The following TSPAN2 variants were observed in gnomAD, a reference collection of about 807,000 sequenced individuals.
The protein encoded by TSPAN2 is tetraspanin 2.
In TSPAN2, 24 loss-of-function variants were observed where a neutral mutation model predicts 33.3. The ratio of observed to expected loss-of-function variants is 0.72; its 90% CI spans 0.52 to 1.01. The LOEUF (loss-of-function observed/expected upper bound fraction) is 1.01, where lower values mean the gene tolerates loss of function less well. Among genes scored for constraint, TSPAN2 ranks in the 50% least tolerant of loss-of-function variants. The pLI is 0.00. For synonymous variants in TSPAN2, 114 were observed against 104.5 expected (o/e 1.09, Z -0.56); for missense variants, 278 against 281.3 (o/e 0.99, Z 0.08).
Position 115,050,515 on chromosome 1 carries a change from A to G in TSPAN2, c.641T>C (p.Ile214Thr). Residue 214 changes from isoleucine to threonine, a missense_variant, in exon 8 of 8, where the codon ATA (isoleucine) becomes ACA (threonine). Transcript: ENST00000369516. The part of the protein sequence containing the change: ...MIFSMVLCCA[I>T]RNSRDVI ...TCATATCACATCTCGTGAGTTTCGT[A>G]TCGCACAGCAGAGGACCATGCTGAA... 6.2e-7 allele frequency: 1 copy of G among 1,614,096 alleles called. No homozygotes were observed. Among genetic ancestry groups the G allele is most frequent in the Non-Finnish European group, 8.5e-7 (1 of 1,179,972 alleles).
chr1:115,050,437 C>T lies in TSPAN2; in HGVS notation c.*53G>A. Reference sequence around the variant, plus strand: ...TTAAAAATGAGCTGGGAGACAGCTCCTGTGACATTTGGTATGAAAGCTTTA... The same window carrying T: ...TTAAAAATGAGCTGGGAGACAGCTCTTGTGACATTTGGTATGAAAGCTTTA... On this transcript the variant is annotated 3_prime_UTR_variant, in exon 8 of 8. Transcript: ENST00000369516. 6.7e-7 allele frequency: 1 copy of T among 1,489,290 alleles called. No individual in the cohort carries two copies. Among genetic ancestry groups the T allele is most frequent in the Non-Finnish European group, 9.4e-7 (1 of 1,066,886 alleles). 92.3% of individuals were successfully genotyped at this position (1,489,290 alleles called of 1,614,324 possible).
intron 6 of TSPAN2, among the ~76,000 whole-genome samples, chr1:115,054,510 G>C (rs943946795): frequency 6.6e-6 from 1 of 152,224 alleles, no homozygotes; most frequent in South Asian, 2.1e-4. Context: ...CTTCTAAGGA[G>C]TGGCTCCCTT....
intron 1 of TSPAN2, among the ~76,000 whole-genome samples, chr1:115,074,943 G>A (rs1648343927): frequency 2.0e-5 from 3 of 152,096 alleles, no homozygotes; most frequent in South Asian, 2.1e-4. Flanking sequence ...AACCCTGCAC[G>A]CCCTCATCTC....
chr1:115,062,973 T>G (rs1647794944), intron 2 of TSPAN2, among the ~76,000 whole-genome samples: 1 of 152,230 alleles, frequency 6.6e-6, no homozygotes, highest in African/African-American at 2.4e-5. Flanking sequence ...TTCAGGGCCC[T>G]GAGGCCTTGC....
At chr1:115,076,022 G>A (rs1648392423) in intron 1 of TSPAN2, among the ~76,000 whole-genome samples, 1 of 139,986 alleles carries the variant, frequency 7.1e-6, no homozygotes, top group African/African-American at 2.6e-5. Flanking sequence ...TAATGTGGTA[G>A]ATAGTCACAT....
chr1:115,076,506 G>C (rs1014955751), intron 1 of TSPAN2, among the ~76,000 whole-genome samples: 1 of 152,170 alleles, frequency 6.6e-6, no homozygotes, highest in Non-Finnish European at 1.5e-5. Flanking sequence ...ACCAGGGACA[G>C]GACACCAGGG....
In TSPAN2 at chr1:115,067,889, C is replaced by G. The variant is rs528962253; in HGVS notation, c.172+5016G>C. Among the ~76,000 whole-genome samples, 3 of 152,304 alleles carry G rather than the reference C, an allele frequency of 2.0e-5. No homozygotes were observed. The South Asian group carries it at 6.2e-4, about 32-fold the overall frequency. ...CTCTGTAACTCTAGAAAGAAGACCC[C>G]TGGGGTGTCTGCCCACTCCAGAGAG... On this transcript the variant is annotated intron_variant, in intron 2 of 7. Transcript: ENST00000369516.
At chr1:115,062,740 C>T (rs1282704899) in intron 2 of TSPAN2, among the ~76,000 whole-genome samples, 2 of 152,224 alleles carry the variant, frequency 1.3e-5, no homozygotes, top group African/African-American at 4.8e-5. Flanking sequence ...GCATTTTACT[C>T]ATATGAGTCA....
intron 1 of TSPAN2, 35 bp from the exon 2 acceptor site, chr1:115,073,042 G>A (rs759115854): frequency 1.1e-5 from 18 of 1,569,868 alleles, no homozygotes; most frequent in Middle Eastern, 1.7e-4. Flanking sequence ...TACAGTGGAA[G>A]GGGAAAGAGC....
intron 1 of TSPAN2, among the ~76,000 whole-genome samples, chr1:115,086,928 T>A (rs1648857687): frequency 1.3e-5 from 2 of 152,106 alleles, no homozygotes; most frequent in Admixed American, 1.3e-4. Context: ...TTTGTTTGTT[T>A]GTTTTTGAGA....
intron 1 of TSPAN2, among the ~76,000 whole-genome samples, chr1:115,080,500 C>T (rs368400754): frequency 2.0e-5 from 3 of 152,236 alleles, no homozygotes. Context: ...GTCTTGAACT[C>T]CCGGGCACAA....
intron 2 of TSPAN2, among the ~76,000 whole-genome samples, chr1:115,070,496 C>T (rs1485449340): frequency 1.3e-5 from 2 of 151,480 alleles, no homozygotes; most frequent in African/African-American, 2.4e-5. Context: ...TACTGTTTAC[C>T]AACTTAACCC....
At chr1:115,074,932 C>T (rs138321220) in intron 1 of TSPAN2, among the ~76,000 whole-genome samples, 6 of 152,122 alleles carry the variant, frequency 3.9e-5, no homozygotes, top group South Asian at 2.1e-4. Flanking sequence ...GCCTCACAGG[C>T]AACCCTGCAC....
intron 2 of TSPAN2, among the ~76,000 whole-genome samples, chr1:115,071,454 A>G (rs938108290): frequency 4.6e-5 from 7 of 152,196 alleles, no homozygotes; most frequent in African/African-American, 1.7e-4. Flanking sequence ...GAGAGGGGGA[A>G]AGAACCTGGG....
At chr1:115,086,796 A>G (rs1379776500) in intron 1 of TSPAN2, among the ~76,000 whole-genome samples, 13 of 152,218 alleles carry the variant, frequency 8.5e-5, no homozygotes, top group Admixed American at 8.5e-4. Context: ...TGTTTAACAG[A>G]ATGGGTCTCA....
chr1:115,080,417 C>A (rs1002280166), intron 1 of TSPAN2, among the ~76,000 whole-genome samples: 1 of 152,120 alleles, frequency 6.6e-6, no homozygotes, highest in Non-Finnish European at 1.5e-5. Flanking sequence ...CCACTACAAG[C>A]ATGTGCAACC....
intron 2 of TSPAN2, among the ~76,000 whole-genome samples, chr1:115,072,588 T>G (rs1648224252): frequency 6.6e-6 from 1 of 152,184 alleles, no homozygotes; most frequent in African/African-American, 2.4e-5. Flanking sequence ...TAGCTGCATT[T>G]CCTTGAGACT....
intron 5 of TSPAN2, 111 bp from the exon 6 acceptor site, chr1:115,057,719 C>T: frequency 2.3e-6 from 2 of 878,072 alleles, no homozygotes; most frequent in Non-Finnish European, 3.8e-6. Context: ...CTCCGAGGCC[C>T]AGTCACTGCA....
In TSPAN2 at chr1:115,089,417, C is replaced by G; in HGVS notation, c.16G>C (p.Gly6Arg). The change falls in exon 1 of 8, where the codon GGG becomes CGG. Residue 6 changes from glycine to arginine, a missense_variant. By Grantham distance (125) the Gly-to-Arg change is moderately radical. Transcript: ENST00000369516. ...AGGTACTTGATGCACCGCAGGCCCC[C>G]GCGGAAGCGCCCCATGCTGCGGCCC... is the stretch of plus-strand genomic sequence containing the variant. The part of the protein sequence containing the change: MGRFR[G>R]GLRCIKYLLL... The G allele has an allele frequency of 6.3e-7, 1 of 1,584,510 alleles. No homozygotes were observed. The highest frequency in any genetic ancestry group is 8.6e-7 in the Non-Finnish European group (1 of 1,167,200).
Sources: gnomAD v4.1 joint callset for allele counts (sites outside exome capture counted in the v4.1 genomes callset) on GRCh38, gnomAD v4.1.1 for gene constraint, MANE v1.5 for transcripts, NCBI Gene and HGNC (gene_info 2026-07-23, HGNC 2026-07-21) for gene names.